ITGAE: variants seen among roughly 807,000 people sequenced by gnomAD.
ITGAE encodes integrin subunit alpha E, also known as integrin alpha-E.
ITGAE carries 99 observed loss-of-function variants against 136.5 expected under a neutral mutation model. The observed-to-expected ratio is 0.73, with a 90% CI of 0.62 to 0.86. The LOEUF (loss-of-function observed/expected upper bound fraction) is 0.86. Among genes scored for constraint, ITGAE ranks in the 40% least tolerant of loss-of-function variants. The pLI is 0.00. For synonymous variants in ITGAE, 613 were observed against 591.8 expected (o/e 1.04, Z -0.52); for missense variants, 1,447 against 1,515.3 (o/e 0.95, Z 0.75).
intron 1 of ITGAE, among the ~76,000 whole-genome samples, chr17:3,794,153 A>G (rs552975336): frequency 6.6e-6 from 1 of 151,576 alleles, no homozygotes; most frequent in South Asian, 2.1e-4. Flanking sequence ...TAATTTTTGT[A>G]TTTTTAGTAG....
intron 1 of ITGAE, among the ~76,000 whole-genome samples, chr17:3,792,273 C>T (rs571523765): frequency 1.3e-5 from 2 of 152,220 alleles, no homozygotes; most frequent in South Asian, 4.2e-4. Flanking sequence ...AGGCACGCAC[C>T]ACCACACCTG....
intron 5 of ITGAE, 64 bp downstream of exon 5, chr17:3,761,339 T>A: frequency 3.9e-6 from 6 of 1,546,190 alleles, no homozygotes; most frequent in Non-Finnish European, 5.2e-6. Flanking sequence ...AGCTGGTGCC[T>A]TTTCTTGGAG....
intron 26 of ITGAE, 108 bp from the exon 27 acceptor site, chr17:3,723,852 T>A: frequency 6.6e-7 from 1 of 1,525,586 alleles, no homozygotes; most frequent in African/African-American, 1.4e-5. Context: ...GGCCGGGAGC[T>A]AGGACCCCGC....
intron 4 of ITGAE, 130 bp downstream of exon 4, chr17:3,761,785 G>T: frequency 1.2e-6 from 1 of 819,318 alleles, no homozygotes; most frequent in Non-Finnish European, 2.0e-6. Context: ...CCTGGGGTTG[G>T]CACCAGGGAG....
At chr17:3,800,692 G>GGGTCCTCACCCTCA (rs1380302473) in intron 1 of ITGAE, among the ~76,000 whole-genome samples, 1 of 152,182 alleles carries the variant, frequency 6.6e-6, no homozygotes, top group Non-Finnish European at 1.5e-5. Flanking sequence ...CTCTCTCACA[G>GGGTCCTCACCCTCA]GGTCCTCACC....
At chr17:3,797,751 G>A (rs925668039) in intron 1 of ITGAE, among the ~76,000 whole-genome samples, 89 of 152,220 alleles carry the variant, frequency 5.8e-4, no homozygotes, top group African/African-American at 1.9e-3. Flanking sequence ...GTGAGCCACC[G>A]TGCCTGGCCA....
At chr17:3,771,536 T>C (rs559029254) in intron 2 of ITGAE, among the ~76,000 whole-genome samples, 3,097 of 113,802 alleles carry the variant, frequency 0.027, 90 homozygotes, top group African/African-American at 0.086. Context: ...ATTTTTCTCT[T>C]TTTTTTTTTT....
intron 2 of ITGAE, 93 bp from the exon 3 acceptor site, chr17:3,764,053 A>G (rs1597346210): frequency 1.2e-6 from 1 of 835,550 alleles, no homozygotes; most frequent in Non-Finnish European, 1.9e-6. Flanking sequence ...AGTTGCCTGC[A>G]CTCACAAGCT....
chr17:3,748,958 A>G (rs1381686691), intron 16 of ITGAE, among the ~76,000 whole-genome samples: 1 of 152,202 alleles, frequency 6.6e-6, no homozygotes, highest in Non-Finnish European at 1.5e-5. Flanking sequence ...AGTTTCAGGC[A>G]GCAGAGTGAA....
chr17:3,784,768 T>G (rs1023532561), intron 1 of ITGAE, among the ~76,000 whole-genome samples: 1 of 152,166 alleles, frequency 6.6e-6, no homozygotes, highest in Non-Finnish European at 1.5e-5. Flanking sequence ...AAAGCCTCAA[T>G]AAATATCAAT....
At chr17:3,730,923 T>A (rs2051326780) in intron 23 of ITGAE, among the ~76,000 whole-genome samples, 181 bp downstream of exon 23, 1 of 152,206 alleles carries the variant, frequency 6.6e-6, no homozygotes, top group Admixed American at 6.5e-5. Flanking sequence ...ATTTTCATTA[T>A]CTCTGGTAAC....
At chr17:3,794,480 C>T (rs924127969) in intron 1 of ITGAE, among the ~76,000 whole-genome samples, 7 of 152,196 alleles carry the variant, frequency 4.6e-5, no homozygotes, top group African/African-American at 1.7e-4. Flanking sequence ...AGGGGGCACA[C>T]ACTGCATCTG....
chr17:3,730,237 C>T (rs2051309232), intron 23 of ITGAE, among the ~76,000 whole-genome samples: 3 of 151,892 alleles, frequency 2.0e-5, no homozygotes, highest in African/African-American at 2.4e-5. Context: ...TGGTGGATCA[C>T]GAGGTCAGGA....
At chr17:3,715,794 C>G (rs2567881) in intron 30 of ITGAE, among the ~76,000 whole-genome samples, 57,479 of 151,824 alleles carry the variant, frequency 0.38, 13,008 homozygotes, top group South Asian at 0.6. Flanking sequence ...CCTAGGAGTA[C>G]GAGGCTGCAG....
intron 1 of ITGAE, among the ~76,000 whole-genome samples, chr17:3,783,404 A>G (rs2052709350): frequency 6.6e-6 from 1 of 152,166 alleles, no homozygotes; most frequent in African/African-American, 2.4e-5. Context: ...TCAGCCTCCC[A>G]AAGTGCTGGG....
chr17:3,792,284 G>T (rs917904748), intron 1 of ITGAE, among the ~76,000 whole-genome samples: 9 of 152,062 alleles, frequency 5.9e-5, no homozygotes, highest in Admixed American at 3.3e-4. Flanking sequence ...ACCACACCTG[G>T]ATAATTTTTG....
At position 3,780,135 on chromosome 17, in the gene ITGAE, G is replaced by A. The variant is rs1176888878; in HGVS notation, c.35-2475C>T. 4.0e-5 allele frequency among the ~76,000 whole-genome samples: 6 copies of A among 151,216 alleles called. No homozygotes were observed. The East Asian group carries it at 9.7e-4, about 24-fold the overall frequency. On this transcript the variant is annotated intron_variant, in intron 1 of 30. Transcript: ENST00000263087. Reference sequence around the variant, plus strand: ...ATTACAGGCATGTGCCACCATGCCCGGCTAATTTTTGGTTTTTTTGTTTGT... The same window carrying A: ...ATTACAGGCATGTGCCACCATGCCCAGCTAATTTTTGGTTTTTTTGTTTGT...
chr17:3,770,465 C>A (rs562801587), intron 2 of ITGAE, among the ~76,000 whole-genome samples: 15 of 152,146 alleles, frequency 9.9e-5, no homozygotes, highest in Non-Finnish European at 2.2e-4. Context: ...GTCTGTCCCA[C>A]CCATACCTTC....
At chr17:3,795,943 CCGTGTGTGCATCCCTGTGTGTG>C (rs2053066937) in intron 1 of ITGAE, among the ~76,000 whole-genome samples, 2 of 104,520 alleles carry the variant, frequency 1.9e-5, no homozygotes, top group Admixed American at 2.2e-4. Context: ...GTGTGTGCAT[CCGTGTGTGCATCCCTGTGTGTG>C]CGTGTGTGCA....
Sources: gnomAD v4.1 joint callset for allele counts (sites outside exome capture counted in the v4.1 genomes callset) on GRCh38, gnomAD v4.1.1 for gene constraint, MANE v1.5 for transcripts, NCBI Gene and HGNC (gene_info 2026-07-23, HGNC 2026-07-21) for gene names.